CRLF1: variants seen among roughly 807,000 people sequenced by gnomAD.
The protein encoded by CRLF1 is cytokine receptor like factor 1.
Under a neutral mutation model 48.9 loss-of-function variants are expected in CRLF1, and 36 were observed. The observed-to-expected ratio is 0.74, with a 90% confidence interval of 0.56 to 0.97. CRLF1 has a LOEUF of 0.97. Among genes scored for constraint, CRLF1 ranks in the 50% least tolerant of loss-of-function variants. The probability of loss-of-function intolerance (pLI) is 0.00; values close to 1 mark genes in which losing one functional copy is unlikely to be tolerated. For missense variants in CRLF1, 534 were observed against 575.1 expected (o/e 0.93, Z 0.73); for synonymous variants, 256 against 253.4 (o/e 1.01, Z -0.10).
chr19:18,600,067 A>G (rs1433768765), intron 1 of CRLF1, among the ~76,000 whole-genome samples: 1 of 152,136 alleles, frequency 6.6e-6, no homozygotes, highest in Non-Finnish European at 1.5e-5. Context: ...GTCTGACTCC[A>G]ACACTGGATC....
chr19:18,600,238 G>A (rs558506184), intron 1 of CRLF1, among the ~76,000 whole-genome samples: 5 of 151,918 alleles, frequency 3.3e-5, no homozygotes, highest in South Asian at 4.1e-4. Context: ...TCGCTCTGTC[G>A]CCCAGGCTGG....
intron 4 of CRLF1, among the ~76,000 whole-genome samples, chr19:18,597,268 G>A (rs915465027): frequency 6.6e-6 from 1 of 152,086 alleles, no homozygotes; most frequent in Non-Finnish European, 1.5e-5. Flanking sequence ...TATTATCTGT[G>A]ACGGGAGAAA....
In CRLF1 at chr19:18,593,878, G is replaced by A. The variant is rs1168726286; in HGVS notation, c.1255+187C>T. ...GGGCATTGAATGTTCTTAGGCTAAA[G>A]GAGACAATGCCAGTTATACAGTAAG... On this transcript the variant is annotated intron_variant, in intron 8 of 8. Transcript: ENST00000392386. The A allele has an allele frequency of 1.5e-5, 15 of 984,524 alleles. No homozygotes were observed. The Admixed American group carries it at 9.2e-4, about 61-fold the overall frequency. 61.0% of individuals were successfully genotyped at this position (984,524 alleles called of 1,614,324 possible).
intron 6 of CRLF1, among the ~76,000 whole-genome samples, chr19:18,595,415 T>C (rs1976119850): frequency 6.6e-6 from 1 of 152,222 alleles, no homozygotes; most frequent in African/African-American, 2.4e-5. Context: ...TCCCTAGCTC[T>C]GGGACCCTCT....
intron 8 of CRLF1, chr19:18,593,784 G>T (rs1292305489): frequency 1.0e-6 from 1 of 985,420 alleles, no homozygotes; most frequent in East Asian, 1.1e-4. Context: ...TGCAGTAGGC[G>T]CCCATGCGTG....
chr19:18,605,959 G>A (rs569804414), intron 1 of CRLF1, among the ~76,000 whole-genome samples: 2 of 152,246 alleles, frequency 1.3e-5, no homozygotes, highest in Non-Finnish European at 2.9e-5. Flanking sequence ...AGCGCCGCCG[G>A]TGGCGGGGAC....
At chr19:18,603,074 A>G (rs1196501852) in intron 1 of CRLF1, among the ~76,000 whole-genome samples, 1 of 152,228 alleles carries the variant, frequency 6.6e-6, no homozygotes, top group Non-Finnish European at 1.5e-5. Flanking sequence ...GTGGTTGTAA[A>G]GACTCATCCA....
rs1199488768 is a variant in CRLF1, at chr19:18,594,448, G to A, written c.1025-14C>T. 1 of 1,389,880 alleles carries A rather than the reference G, an allele frequency of 7.2e-7. No homozygotes were observed. The highest frequency in any genetic ancestry group is 9.3e-7 in the Non-Finnish European group (1 of 1,073,528). The allele number at this position is 1,389,880 out of a possible 1,614,324, so 86.1% of individuals were successfully genotyped here. A position where few individuals can be genotyped will look rare whatever the true frequency, so the allele number is the denominator to read the frequency against. ...GGCCCGGGCGCTCTGGTGGTGGGCGGAGCGGCAGTGTCAGAGCGCGCCCGG... is the reference window on the plus strand; with the variant it reads ...GGCCCGGGCGCTCTGGTGGTGGGCGAAGCGGCAGTGTCAGAGCGCGCCCGG... On this transcript the variant is annotated splice_polypyrimidine_tract_variant and intron_variant, in intron 6 of 8. Transcript: ENST00000392386.
intron 1 of CRLF1, among the ~76,000 whole-genome samples, chr19:18,605,556 G>T (rs971458122): frequency 1.3e-5 from 2 of 152,232 alleles, no homozygotes; most frequent in Non-Finnish European, 2.9e-5. Flanking sequence ...GTGTGTGTCG[G>T]GGATGGAATG....
At chr19:18,605,061 G>GT (rs1490754965) in intron 1 of CRLF1, among the ~76,000 whole-genome samples, 1 of 152,136 alleles carries the variant, frequency 6.6e-6, no homozygotes, top group East Asian at 1.9e-4. Flanking sequence ...AAGACACACC[G>GT]TAAGTAGAAA....
intron 1 of CRLF1, among the ~76,000 whole-genome samples, chr19:18,602,602 T>C (rs1461615126): frequency 6.6e-6 from 1 of 151,612 alleles, no homozygotes; most frequent in Non-Finnish European, 1.5e-5. Flanking sequence ...TGGGTGACAG[T>C]GAGACCCTGT....
intron 8 of CRLF1, chr19:18,593,853 G>T: frequency 1.0e-6 from 1 of 985,454 alleles, no homozygotes; most frequent in Non-Finnish European, 1.2e-6. Flanking sequence ...GACATTTTCA[G>T]GGCATTGAAT....
At chr19:18,594,036 T>G in intron 8 of CRLF1, 29 bp downstream of exon 8, 1 of 402,544 alleles carries the variant, frequency 2.5e-6, no homozygotes, top group Non-Finnish European at 4.4e-6. Context: ...CCTTGCTCCC[T>G]CCCGCCCACC....
At chr19:18,596,569 C>T in intron 6 of CRLF1, 53 bp downstream of exon 6, 1 of 1,593,452 alleles carries the variant, frequency 6.3e-7, no homozygotes, top group East Asian at 2.2e-5. Context: ...AACAGAGGCT[C>T]TAGCTGGTTT....
intron 8 of CRLF1, 70 bp from the exon 9 acceptor site, chr19:18,593,649 G>A (rs562774214): frequency 2.6e-6 from 4 of 1,559,786 alleles, no homozygotes; most frequent in Non-Finnish European, 3.5e-6. Context: ...GCCACTGAAG[G>A]AGGCTTCATT....
At position 18,606,598 on chromosome 19, in the gene CRLF1, A is replaced by T; in HGVS notation, c.59T>A (p.Leu20Gln). Residue 20 changes from leucine to glutamine, a missense_variant, in exon 1 of 9, where the codon CTG becomes CAG. Leu to Gln is a moderately radical substitution (Grantham distance 113, BLOSUM62 -2). This residue lies in a region of CRLF1 where 528 missense variants were observed against 555.7 expected (regional missense o/e 0.95). Transcript: ENST00000392386. The surrounding 1 kb of genome is among the most constrained non-coding windows in gnomAD (Gnocchi z 4.8). ...GACGCAGAGCAGCAGCAGCAGGGGC[A>T]GCAACGGCGGCGGCCGCCGCGCGGA... ...AQSARRPPPL[L>Q]PLLLLLCVLG... 1 of 1,121,148 alleles carries T rather than the reference A, an allele frequency of 8.9e-7. No homozygotes were observed. The highest frequency in any genetic ancestry group is 4.3e-5 in the South Asian group (1 of 23,292). The allele number at this position is 1,121,148 out of a possible 1,614,324, so 69.4% of individuals were successfully genotyped here.
intron 6 of CRLF1, 149 bp downstream of exon 6, chr19:18,596,473 G>T (rs956569578): frequency 1.3e-5 from 13 of 990,644 alleles, no homozygotes; most frequent in East Asian, 5.3e-5. Flanking sequence ...CCGGGAGGCA[G>T]AGGTTGCAGT....
chr19:18,599,044 A>T lies in CRLF1; in HGVS notation c.398-143T>A, dbSNP rs1976183846. 5 of 1,498,948 alleles carry T rather than the reference A, an allele frequency of 3.3e-6. No individual in the cohort carries two copies. The South Asian group carries it at 6.7e-5, about 20-fold the overall frequency. 92.9% of individuals were successfully genotyped at this position (1,498,948 alleles called of 1,614,324 possible). On this transcript the variant is annotated intron_variant, in intron 2 of 8. Coordinates refer to ENST00000392386, the MANE Select transcript of CRLF1 (RefSeq NM_004750.5). ...GACAGTCTCAGCCCTGTGCTGAGAAATGCCAGCACAGTTGGTGTGACAACT... is the reference window on the plus strand; with the variant it reads ...GACAGTCTCAGCCCTGTGCTGAGAATTGCCAGCACAGTTGGTGTGACAACT...
Position 18,593,353 on chromosome 19 carries a change from A to G in CRLF1, c.*213T>C. Reference sequence around the variant, plus strand: ...GCAGGGGTTCTAGGCAACTCAACCAACCCTCACACACACACACACACCCAC... The same window carrying G: ...GCAGGGGTTCTAGGCAACTCAACCAGCCCTCACACACACACACACACCCAC... On this transcript the variant is annotated 3_prime_UTR_variant, in exon 9 of 9. Coordinates refer to ENST00000392386, the MANE Select transcript of CRLF1 (RefSeq NM_004750.5). The G allele has an allele frequency of 1.6e-6, 1 of 633,000 alleles. No homozygotes were observed. The highest frequency in any genetic ancestry group is 2.8e-6 in the Non-Finnish European group (1 of 363,498). The allele number at this position is 633,000 out of a possible 1,614,324, so 39.2% of individuals were successfully genotyped here. A position where few individuals can be genotyped will look rare whatever the true frequency, so the allele number is the denominator to read the frequency against.
Sources: allele counts gnomAD v4.1 joint callset (sites outside exome capture counted in the v4.1 genomes callset), GRCh38; gene constraint gnomAD v4.1.1; regional missense constraint gnomAD v4.1.1; non-coding constraint Gnocchi (gnomAD v3.1); transcripts MANE v1.5; gene names NCBI Gene and HGNC (gene_info 2026-07-23, HGNC 2026-07-21).